LRRC36: variants seen among roughly 807,000 people sequenced by gnomAD.
LRRC36 encodes leucine rich repeat containing 36, also known as leucine-rich repeat-containing protein 36.
Under a neutral mutation model 81.1 loss-of-function variants are expected in LRRC36, and 62 were observed. The ratio of observed to expected loss-of-function variants is 0.76; its 90% CI spans 0.62 to 0.94. The LOEUF is 0.94. Among genes scored for constraint, LRRC36 ranks in the 40% least tolerant of loss-of-function variants. The pLI is 0.00. For missense variants in LRRC36, 761 were observed against 881.7 expected (o/e 0.86, Z 1.73); for synonymous variants, 334 against 348.6 (o/e 0.96, Z 0.47).
chr16:67,332,560 A>T lies in LRRC36; in HGVS notation c.70+5628A>T, dbSNP rs536424153. Among the ~76,000 whole-genome samples the T allele has an allele frequency of 1.0e-3, 159 of 152,312 alleles. 2 individuals carry two copies. The highest frequency in any genetic ancestry group is 3.2e-3 in the African/African-American group (134 of 41,566). ...CAGAGCGAGACTCCGTCTCAAAAAA[A>T]AATAATAAATAAATAAATAAACACT... On this transcript the variant is annotated intron_variant, in intron 1 of 13. Coordinates refer to ENST00000329956, the MANE Select transcript of LRRC36 (RefSeq NM_018296.6).
intron 1 of LRRC36, among the ~76,000 whole-genome samples, chr16:67,338,401 T>C (rs1225994096): frequency 1.3e-5 from 2 of 152,188 alleles, no homozygotes; most frequent in Non-Finnish European, 1.5e-5. Context: ...ATTGTTTTAC[T>C]TGAAATATGT....
At position 67,367,451 on chromosome 16, in the gene LRRC36, A is replaced by G. The variant is rs753966274; in HGVS notation, c.1189A>G (p.Ser397Gly). The change falls in exon 8 of 14, where the codon AGT becomes GGT. Residue 397 changes from serine (S) to glycine (G), a missense_variant. By Grantham distance (56) the Ser-to-Gly change is moderately conservative. Coordinates refer to ENST00000329956, the MANE Select transcript of LRRC36 (RefSeq NM_018296.6). ...CAGCACTGGAAGGCTTTTGAAGCTT[A>G]GTTCAGGTAACAGCTTCCTGTCAGT... is the stretch of plus-strand genomic sequence containing the variant. ...DSSTGRLLKLSSDLYATTHFN... is the reference protein window; with the variant it reads ...DSSTGRLLKLGSDLYATTHFN... 1 of 1,607,636 alleles carries G rather than the reference A, an allele frequency of 6.2e-7. No individual in the cohort carries two copies. The highest frequency in any genetic ancestry group is 2.2e-5 in the East Asian group (1 of 44,826).
intron 1 of LRRC36, among the ~76,000 whole-genome samples, chr16:67,337,195 A>G (rs565629105): frequency 1.2e-4 from 18 of 152,170 alleles, no homozygotes; most frequent in Non-Finnish European, 2.2e-4. Flanking sequence ...TAATGCTGCT[A>G]TGGATGTTGG....
chr16:67,345,519 G>A (rs1364697931), intron 2 of LRRC36, among the ~76,000 whole-genome samples: 1 of 152,052 alleles, frequency 6.6e-6, no homozygotes, highest in African/African-American at 2.4e-5. Context: ...TAGGTAGAGG[G>A]TGGGGTTGCT....
At chr16:67,347,278 C>T in intron 3 of LRRC36, 1 of 694,388 alleles carries the variant, frequency 1.4e-6, no homozygotes, top group Non-Finnish European at 2.2e-6. Context: ...AGGGTAGTTA[C>T]AACTGTGAGG....
At chr16:67,347,471 T>C in intron 3 of LRRC36, 24 bp from the exon 4 acceptor site, 1 of 1,612,108 alleles carries the variant, frequency 6.2e-7, no homozygotes, top group Non-Finnish European at 8.5e-7. Flanking sequence ...AGAAACATGC[T>C]CAGACCACGG....
At chr16:67,352,859 T>C (rs2038720007) in intron 5 of LRRC36, among the ~76,000 whole-genome samples, 1 of 151,754 alleles carries the variant, frequency 6.6e-6, no homozygotes, top group Non-Finnish European at 1.5e-5. Flanking sequence ...TGTATTTTTT[T>C]GCAGAGAGGG....
intron 1 of LRRC36, among the ~76,000 whole-genome samples, chr16:67,340,996 A>ACTC (rs2038024791): frequency 1.7e-5 from 2 of 120,352 alleles, no homozygotes; most frequent in African/African-American, 4.0e-5. Flanking sequence ...TGTATATTAT[A>ACTC]TATAGAATAT....
At chr16:67,347,301 T>G in intron 3 of LRRC36, 194 bp from the exon 4 acceptor site, 1 of 1,031,536 alleles carries the variant, frequency 9.7e-7, no homozygotes, top group Non-Finnish European at 1.3e-6. Context: ...GTGGTCGCTA[T>G]GGCTTCCTGC....
intron 1 of LRRC36, among the ~76,000 whole-genome samples, chr16:67,332,427 G>A (rs1175088893): frequency 2.6e-5 from 4 of 152,088 alleles, no homozygotes; most frequent in Non-Finnish European, 4.4e-5. Context: ...GGTGGTGGGC[G>A]CCTGTAGTCC....
intron 3 of LRRC36, among the ~76,000 whole-genome samples, chr16:67,347,132 A>T (rs1357998121): frequency 1.3e-5 from 2 of 152,146 alleles, no homozygotes; most frequent in Admixed American, 1.3e-4. Flanking sequence ...TTTCTTATTG[A>T]TACAAAATTG....
In LRRC36 at chr16:67,358,296, A is replaced by G. The variant is rs745930808; in HGVS notation, c.578-5294A>G. Among the ~76,000 whole-genome samples, 5 of 152,182 alleles carry G rather than the reference A, an allele frequency of 3.3e-5. No individual in the cohort carries two copies. In the South Asian group the frequency reaches 1.0e-3, roughly 32 times the overall value. On this transcript the variant is annotated intron_variant, in intron 5 of 13. Transcript: ENST00000329956. ...AAAGTGGAAAGACAACCCACAGAAT[A>G]GGAGAAAATGTTTGCAGACTGTATA...
rs750964777 is a variant in LRRC36, at chr16:67,367,438, G to T, written c.1176G>T (p.Arg392Ser). The change falls in exon 8 of 14, where the codon AGG becomes AGT. Residue 392 changes from arginine to serine, a missense_variant. Physicochemically the swap from Arg to Ser is moderately radical, Grantham distance 110 (BLOSUM62 -1). Coordinates refer to ENST00000329956, the MANE Select transcript of LRRC36 (RefSeq NM_018296.6). ...CAAACCCTGACTCCAGCACTGGAAG[G>T]CTTTTGAAGCTTAGTTCAGGTAACA... ...SLSNPDSSTGRLLKLSSDLYA... is the reference protein window; with the variant it reads ...SLSNPDSSTGSLLKLSSDLYA... 1.2e-6 allele frequency: 2 copies of T among 1,611,686 alleles called. No individual in the cohort carries two copies. Among genetic ancestry groups the T allele is most frequent in the Non-Finnish European group, 1.7e-6 (2 of 1,178,776 alleles).
intron 6 of LRRC36, among the ~76,000 whole-genome samples, chr16:67,364,196 T>C (rs769656073): frequency 1.1e-4 from 16 of 152,202 alleles, no homozygotes; most frequent in Non-Finnish European, 1.9e-4. Context: ...ATGGAAGTTG[T>C]GGGCAATGGG....
intron 10 of LRRC36, among the ~76,000 whole-genome samples, chr16:67,376,520 A>G (rs777422715): frequency 3.3e-5 from 5 of 152,206 alleles, no homozygotes; most frequent in Non-Finnish European, 7.3e-5. Context: ...ATGCACTCAC[A>G]AGGGGCTGCT....
At chr16:67,344,009 G>A (rs750804765) in intron 2 of LRRC36, among the ~76,000 whole-genome samples, 10 of 151,794 alleles carry the variant, frequency 6.6e-5, no homozygotes, top group Non-Finnish European at 1.2e-4. Flanking sequence ...TAAAGACAGG[G>A]TTTCACCATG....
intron 2 of LRRC36, 65 bp downstream of exon 2, chr16:67,342,149 G>C (rs2038118712): frequency 8.4e-7 from 1 of 1,193,430 alleles, no homozygotes; most frequent in Non-Finnish European, 1.1e-6. Flanking sequence ...GAAGAAATAA[G>C]AGATAGATCA....
intron 9 of LRRC36, among the ~76,000 whole-genome samples, chr16:67,372,525 T>A (rs1474758184): frequency 1.3e-5 from 2 of 152,208 alleles, no homozygotes; most frequent in African/African-American, 4.8e-5. Flanking sequence ...TTCATTTTTC[T>A]CCAGGTTCTA....
chr16:67,342,085 G>A lies in LRRC36; in HGVS notation c.198+1G>A, dbSNP rs753448455. The A allele has an allele frequency of 3.2e-5, 51 of 1,598,382 alleles. No individual in the cohort carries two copies. The highest frequency in any genetic ancestry group is 3.0e-4 in the African/African-American group (22 of 74,452). ...AAGGAATTTGATCACTAGCCTTAAG[G>A]TAAGTTATATATTCTATGACCAGCC... On this transcript the variant is annotated splice_donor_variant, in intron 2 of 13. Transcript: ENST00000329956. LOFTEE classifies it high-confidence loss of function.
Sources: allele counts gnomAD v4.1 joint callset (sites outside exome capture counted in the v4.1 genomes callset), GRCh38; gene constraint gnomAD v4.1.1; transcripts MANE v1.5; gene names NCBI Gene and HGNC (gene_info 2026-07-23, HGNC 2026-07-21).